Variants in ZNG1B observed in about 807,000 individuals in gnomAD.
ZNG1B encodes the protein zinc-regulated GTPase metalloprotein activator 1B.
At chr2:113,480,274 G>A in the ZNG1B span, among the ~76,000 whole-genome samples, 2 of 151,102 alleles carry the variant, frequency 1.3e-5, no homozygotes, top group Admixed American at 1.3e-4. Flanking sequence ...CTGAGTAGCT[G>A]GGACTACAGG....
chr2:113,469,491 AT>A, the ZNG1B span: 1 of 147,906 alleles, frequency 6.8e-6, no homozygotes, highest in Admixed American at 6.9e-5. Context: ...AAAAGGAAAT[AT>A]GTTTAATATT....
chr2:113,474,139 C>G, the ZNG1B span, among the ~76,000 whole-genome samples: 2 of 151,990 alleles, frequency 1.3e-5, no homozygotes, highest in South Asian at 4.2e-4. Flanking sequence ...GGTTGGTAAG[C>G]TATTGATTAT....
At chr2:113,437,781 C>T in the ZNG1B span, 15 of 1,573,050 alleles carry the variant, frequency 9.5e-6, no homozygotes, top group East Asian at 2.9e-4. Flanking sequence ...CCGGGCAGGC[C>T]GGGAGTGGCG....
chr2:113,444,277 C>T, the ZNG1B span: 1 of 284,854 alleles, frequency 3.5e-6, no homozygotes, highest in East Asian at 1.1e-4. Context: ...ACAGTGTTCA[C>T]TAGTCTACCA....
At chr2:113,438,090 G>T in the ZNG1B span, 1 of 1,608,456 alleles carries the variant, frequency 6.2e-7, no homozygotes. Context: ...GGCTGCCGGT[G>T]CCTCTTCTCC....
chr2:113,483,294 C>T, the ZNG1B span, among the ~76,000 whole-genome samples: 1 of 151,316 alleles, frequency 6.6e-6, no homozygotes, highest in Non-Finnish European at 1.5e-5. Flanking sequence ...CATAGAGCCT[C>T]GAATGAACCT....
chr2:113,486,911 T>A, the ZNG1B span, among the ~76,000 whole-genome samples: 1 of 151,698 alleles, frequency 6.6e-6, no homozygotes, highest in Non-Finnish European at 1.5e-5. Flanking sequence ...TATGTTTCAT[T>A]TGACAACCTT....
chr2:113,445,398 T>G, the ZNG1B span: 52,090 of 234,140 alleles, frequency 0.22, 6,080 homozygotes, highest in East Asian at 0.52. Context: ...CCATGGGGTA[T>G]TAGTTCCGGA....
At chr2:113,488,204 A>T in the ZNG1B span, among the ~76,000 whole-genome samples, 2 of 151,858 alleles carry the variant, frequency 1.3e-5, no homozygotes, top group Admixed American at 6.6e-5. Flanking sequence ...TGTGCAGACT[A>T]CCCCCCAGTA....
chr2:113,452,066 C>T, the ZNG1B span, among the ~76,000 whole-genome samples: 1 of 152,080 alleles, frequency 6.6e-6, no homozygotes, highest in South Asian at 2.1e-4. Context: ...TGACACTCTC[C>T]AGTTCTAAGT....
At chr2:113,489,527 A>G in the ZNG1B span, among the ~76,000 whole-genome samples, 1 of 152,144 alleles carries the variant, frequency 6.6e-6, no homozygotes, top group Non-Finnish European at 1.5e-5. Flanking sequence ...CAATACTAAC[A>G]TTGAATATAA....
At chr2:113,437,986 G>A in the ZNG1B span, 14 of 1,611,968 alleles carry the variant, frequency 8.7e-6, no homozygotes, top group Non-Finnish European at 1.2e-5. Context: ...TGGCCTCGGC[G>A]CCAAGATCCC....
chr2:113,456,693 A>G, the ZNG1B span, among the ~76,000 whole-genome samples: 1 of 152,076 alleles, frequency 6.6e-6, no homozygotes, highest in Non-Finnish European at 1.5e-5. Flanking sequence ...AAATCAATAT[A>G]CCTACACAAA....
chr2:113,467,651 T>C, the ZNG1B span, among the ~76,000 whole-genome samples: 1 of 130,136 alleles, frequency 7.7e-6, no homozygotes, highest in Admixed American at 8.2e-5. Flanking sequence ...CACAGAGTTC[T>C]ATAATAATAG....
the ZNG1B span, among the ~76,000 whole-genome samples, chr2:113,472,901 G>A: frequency 6.6e-6 from 1 of 151,472 alleles, no homozygotes; most frequent in Admixed American, 6.6e-5. Context: ...TTGTAGTATA[G>A]TTTGAAGTCA....
the ZNG1B span, among the ~76,000 whole-genome samples, chr2:113,471,949 G>A: frequency 1.3e-4 from 19 of 151,868 alleles, no homozygotes; most frequent in Non-Finnish European, 2.5e-4. Context: ...ACATATGTGT[G>A]CATATGTCTT....
the ZNG1B span, chr2:113,471,175 A>C: frequency 7.6e-7 from 1 of 1,319,892 alleles, no homozygotes; most frequent in African/African-American, 1.5e-5. Context: ...AATTGCATCC[A>C]TGATTTAAGC....
At chr2:113,454,618 T>A in the ZNG1B span, 16 of 684,440 alleles carry the variant, frequency 2.3e-5, 1 homozygote, top group South Asian at 3.0e-4. Flanking sequence ...CAGTACATTG[T>A]TTTATTGAGT....
chr2:113,475,840 A>G, the ZNG1B span, among the ~76,000 whole-genome samples: 4 of 152,136 alleles, frequency 2.6e-5, no homozygotes, highest in Non-Finnish European at 5.9e-5. Flanking sequence ...TGGCTTGTAG[A>G]GTTTCTGCCA....
Sources: gnomAD v4.1 joint callset for allele counts (sites outside exome capture counted in the v4.1 genomes callset) on GRCh38, gnomAD v4.1.1 for gene constraint, MANE v1.5 for transcripts, NCBI Gene and HGNC (gene_info 2026-07-23, HGNC 2026-07-21) for gene names.